The following AREL1 variants were observed in gnomAD, a reference collection of about 807,000 sequenced individuals.
AREL1 encodes the protein apoptosis resistant E3 ubiquitin protein ligase 1.
In AREL1, 62 loss-of-function variants were observed where a neutral mutation model predicts 99.0. The observed-to-expected ratio is 0.63, with a 90% CI of 0.51 to 0.77. The LOEUF (loss-of-function observed/expected upper bound fraction) is 0.77, where lower values mean the gene tolerates loss of function less well. Ranked by LOEUF, AREL1 falls within the 30% of genes least tolerant of loss-of-function variation. The pLI is 0.00. For missense variants in AREL1, 879 were observed against 1,027.6 expected (o/e 0.86, Z 1.98); for synonymous variants, 380 against 376.5 (o/e 1.01, Z -0.11).
At chr14:74,712,722 T>C (rs891694635) in intron 1 of AREL1, 24 of 298,622 alleles carry the variant, frequency 8.0e-5, no homozygotes, top group African/African-American at 4.4e-4. Flanking sequence ...AAGCACCATA[T>C]CGGCTAGGAA....
intron 13 of AREL1, 99 bp downstream of exon 13, chr14:74,670,663 G>T: frequency 2.1e-6 from 2 of 949,120 alleles, no homozygotes; most frequent in Admixed American, 2.2e-5. Context: ...ATAGGACACA[G>T]GTTGTCAGGT....
chr14:74,680,882 C>T (rs1044769788), intron 5 of AREL1, among the ~76,000 whole-genome samples: 1 of 152,082 alleles, frequency 6.6e-6, no homozygotes, highest in Non-Finnish European at 1.5e-5. Flanking sequence ...CCCAAAAATC[C>T]AAAATCCAAG....
At chr14:74,699,023 C>CA (rs1310408633) in intron 1 of AREL1, among the ~76,000 whole-genome samples, 2 of 151,580 alleles carry the variant, frequency 1.3e-5, no homozygotes, top group Admixed American at 6.6e-5. Context: ...ACTCTGTCTC[C>CA]AAAAAAAACC....
Position 74,684,664 on chromosome 14 carries a change from A to T in AREL1, c.33T>A (p.Ser11=), listed in dbSNP as rs752983354. Residue 11 remains serine, a synonymous_variant, in exon 4 of 20, where the codon TCT becomes TCA. Transcript: ENST00000356357. The part of the protein sequence containing the change: MFYVIGGITV[S]VVAFFFTIKF... Reference sequence around the variant, plus strand: ...TAATTGTGAAGAAGAATGCAACCACAGACACTGTGATTCCACCTATGCAAA... The same window carrying T: ...TAATTGTGAAGAAGAATGCAACCACTGACACTGTGATTCCACCTATGCAAA... The T allele has an allele frequency of 1.9e-6, 3 of 1,614,168 alleles. No homozygotes were observed. Among genetic ancestry groups the T allele is most frequent in the Non-Finnish European group, 2.5e-6 (3 of 1,180,010 alleles).
At chr14:74,692,413 G>GAA (rs2089902210) in intron 1 of AREL1, 85 bp from the exon 2 acceptor site, 1 of 357,056 alleles carries the variant, frequency 2.8e-6, no homozygotes, top group Admixed American at 4.1e-5. Context: ...AGAGAAGGTA[G>GAA]AACAGGCAGT....
chr14:74,679,101 TG>T (rs1359860483), intron 5 of AREL1, among the ~76,000 whole-genome samples: 1 of 152,206 alleles, frequency 6.6e-6, no homozygotes, highest in African/African-American at 2.4e-5. Context: ...GGTCTCACTA[TG>T]TTGCCCAGGC....
intron 17 of AREL1, among the ~76,000 whole-genome samples, chr14:74,665,730 C>T (rs1362674673): frequency 6.6e-6 from 1 of 152,116 alleles, no homozygotes; most frequent in Non-Finnish European, 1.5e-5. Flanking sequence ...TTGTTAATGT[C>T]CTAATTTGGT....
intron 1 of AREL1, among the ~76,000 whole-genome samples, chr14:74,709,918 G>A (rs186178232): frequency 2.6e-4 from 39 of 152,292 alleles, no homozygotes; most frequent in African/African-American, 9.4e-4. Context: ...TTAGTGAATG[G>A]AATGAAGTCC....
At chr14:74,712,651 T>A (rs2090334595) in intron 1 of AREL1, among the ~76,000 whole-genome samples, 2 of 151,834 alleles carry the variant, frequency 1.3e-5, no homozygotes, top group African/African-American at 4.8e-5. Flanking sequence ...GCTTCATTTC[T>A]CTCTTCACCG....
At chr14:74,671,321 CTT>C (rs34340758) in intron 12 of AREL1, 85 bp downstream of exon 12, 9,420 of 125,456 alleles carry the variant, frequency 0.075, 134 homozygotes, top group African/African-American at 0.14. Context: ...GTAAGAGTTG[CTT>C]TTTTTTTTTT....
At chr14:74,676,104 A>T in intron 7 of AREL1, 37 bp downstream of exon 7, 3 of 1,595,402 alleles carry the variant, frequency 1.9e-6, no homozygotes, top group Non-Finnish European at 2.6e-6. Flanking sequence ...GAAACGGCTG[A>T]AGAACAGCAC....
In AREL1 at chr14:74,663,656, T is replaced by C. The variant is rs75962251; in HGVS notation, c.*64A>G. 586 of 1,451,692 alleles carry C rather than the reference T, an allele frequency of 4.0e-4. 3 individuals are homozygous for C. In the African/African-American group the frequency reaches 6.8e-3, roughly 17 times the overall value. The allele number at this position is 1,451,692 out of a possible 1,614,324, so 89.9% of individuals were successfully genotyped here. ...TGTGTGTTAGGATCAGTGGTTATGA[T>C]GTCTGTAACTTGCGCCCAGAAGCTC... On this transcript the variant is annotated 3_prime_UTR_variant, in exon 20 of 20. Coordinates refer to ENST00000356357, the MANE Select transcript of AREL1 (RefSeq NM_001039479.2).
chr14:74,676,450 T>C lies in AREL1; in HGVS notation c.652-129A>G. 5 of 1,406,018 alleles carry C rather than the reference T, an allele frequency of 3.6e-6. No individual in the cohort carries two copies. The South Asian group carries it at 4.1e-5, about 11-fold the overall frequency. The allele number at this position is 1,406,018 out of a possible 1,614,324, so 87.1% of individuals were successfully genotyped here. A position where few individuals can be genotyped will look rare whatever the true frequency, so the allele number is the denominator to read the frequency against. ...CACAAAATTACTAATGAGACAGGTA[T>C]TGTCAGATGAAGATACAGACAGCAC... is the stretch of plus-strand genomic sequence containing the variant. On this transcript the variant is annotated intron_variant, in intron 6 of 19. Coordinates refer to ENST00000356357, the MANE Select transcript of AREL1 (RefSeq NM_001039479.2).
rs143676539 is a variant in AREL1 at position 74,696,847 on chromosome 14, C to A, written c.-333-4519G>T. 8.7e-4 allele frequency among the ~76,000 whole-genome samples: 133 copies of A among 152,172 alleles called. 1 individual carries two copies. In the East Asian group the frequency reaches 0.014, roughly 16 times the overall value. ...CGCATGGTGGCACACACCTGTAATC[C>A]CAGCTACTCAGGAGACTGAGGCAGG... On this transcript the variant is annotated intron_variant, in intron 1 of 19. Transcript: ENST00000356357.
In AREL1 at chr14:74,663,599, G is replaced by A. The variant is rs2089135974; in HGVS notation, c.*121C>T. ...AGGTGACAAAATCCTCCAGACACAG[G>A]GGAGCATGCGGCATCTTCTGGCTGA... is the stretch of plus-strand genomic sequence containing the variant. On this transcript the variant is annotated 3_prime_UTR_variant, in exon 20 of 20. Transcript: ENST00000356357. The A allele has an allele frequency of 2.9e-6, 3 of 1,024,970 alleles. No homozygotes were observed. Among genetic ancestry groups the A allele is most frequent in the Admixed American group, 1.7e-5 (1 of 58,418 alleles). 63.5% of individuals were successfully genotyped at this position (1,024,970 alleles called of 1,614,324 possible). A position where few individuals can be genotyped will look rare whatever the true frequency, so the allele number is the denominator to read the frequency against.
chr14:74,691,753 A>G (rs2089886725), intron 2 of AREL1, among the ~76,000 whole-genome samples: 1 of 152,232 alleles, frequency 6.6e-6, no homozygotes, highest in South Asian at 2.1e-4. Flanking sequence ...AAAGTTGATT[A>G]ACATACATAT....
At chr14:74,701,003 A>G (rs17782683) in intron 1 of AREL1, among the ~76,000 whole-genome samples, 59,270 of 152,064 alleles carry the variant, frequency 0.39, 13,917 homozygotes, top group Non-Finnish European at 0.52. Context: ...GTAGCTATAC[A>G]CTGGCCACAA....
intron 1 of AREL1, among the ~76,000 whole-genome samples, chr14:74,706,315 C>T (rs1368633659): frequency 2.0e-5 from 3 of 152,222 alleles, no homozygotes; most frequent in African/African-American, 7.2e-5. Context: ...GGCAGGCACA[C>T]AGCCAGATCT....
In AREL1 at chr14:74,684,440, A is replaced by C. The variant is rs2089701869; in HGVS notation, c.243+14T>G. The stretch of plus-strand genomic sequence containing the variant: ...GAAACCCCAATGGGTATGGAGACAG[A>C]AACATTCCCTTACATGCACTCGGAA... On this transcript the variant is annotated intron_variant, in intron 4 of 19. Coordinates refer to ENST00000356357, the MANE Select transcript of AREL1 (RefSeq NM_001039479.2). 6.2e-7 allele frequency: 1 copy of C among 1,613,042 alleles called. No individual in the cohort carries two copies. The highest frequency in any genetic ancestry group is 8.5e-7 in the Non-Finnish European group (1 of 1,179,136).
Sources: allele counts gnomAD v4.1 joint callset (sites outside exome capture counted in the v4.1 genomes callset), GRCh38; gene constraint gnomAD v4.1.1; transcripts MANE v1.5; gene names NCBI Gene and HGNC (gene_info 2026-07-23, HGNC 2026-07-21).